TBX15: variants seen among roughly 807,000 people sequenced by gnomAD.
TBX15 encodes the protein T-box transcription factor 15.
TBX15 carries 18 observed loss-of-function variants against 53.9 expected under a neutral mutation model. That is an observed-to-expected ratio of 0.33 (90% confidence interval 0.23 to 0.49). The LOEUF (loss-of-function observed/expected upper bound fraction) is 0.49, where lower values mean the gene tolerates loss of function less well. Ranked by LOEUF, TBX15 falls within the 20% of genes least tolerant of loss-of-function variation. The pLI is 0.98. For missense variants in TBX15, 692 were observed against 749.5 expected, an observed-to-expected ratio of 0.92 and a Z score of 0.90; for synonymous variants, 295 against 278.0, an observed-to-expected ratio of 1.06 and a Z score of -0.61.
In TBX15 at chr1:118,987,629, G is replaced by C. The variant is rs541031973; in HGVS notation, c.167C>G (p.Thr56Arg). The C allele has an allele frequency of 1.9e-3, 2,951 of 1,549,740 alleles. 4 individuals are homozygous for C. The highest frequency in any genetic ancestry group is 2.3e-3 in the Non-Finnish European group (2,633 of 1,146,778). ...ALSPAGPLGDTEDAAAHGLEP... is the reference protein window; with the variant it reads ...ALSPAGPLGDREDAAAHGLEP... ...CAGGCCGTGTGCCGCCGCGTCCTCC[G>C]TGTCTCCGAGTGGGCCCGCGGGGCT... Residue 56 changes from threonine (T) to arginine (R), a missense_variant, in exon 1 of 8, where the codon ACG becomes AGG. Transcript: ENST00000369429.
chr1:118,929,057 T>C (rs1655695419), intron 2 of TBX15, among the ~76,000 whole-genome samples: 1 of 152,246 alleles, frequency 6.6e-6, no homozygotes, highest in South Asian at 2.1e-4. Context: ...TTTCATGTTT[T>C]ACAAAAAGAG....
intron 1 of TBX15, among the ~76,000 whole-genome samples, chr1:118,948,547 G>A (rs1048125063): frequency 1.3e-5 from 2 of 152,144 alleles, no homozygotes; most frequent in Non-Finnish European, 2.9e-5. Flanking sequence ...GGTCCAACCT[G>A]CCTGGCTCTT....
intron 1 of TBX15, among the ~76,000 whole-genome samples, chr1:118,976,478 G>A (rs945938589): frequency 6.6e-6 from 1 of 152,086 alleles, no homozygotes; most frequent in Non-Finnish European, 1.5e-5. Flanking sequence ...GGTTTTTTGG[G>A]GATTTCTGAG....
At chr1:118,942,090 G>A (rs1168693366) in intron 1 of TBX15, among the ~76,000 whole-genome samples, 1 of 152,216 alleles carries the variant, frequency 6.6e-6, no homozygotes, top group Non-Finnish European at 1.5e-5. Flanking sequence ...TCCTATGGGA[G>A]TTTAGAGGTA....
At chr1:118,899,843 G>C (rs1654562264) in intron 6 of TBX15, among the ~76,000 whole-genome samples, 1 of 152,170 alleles carries the variant, frequency 6.6e-6, no homozygotes, top group Non-Finnish European at 1.5e-5. Context: ...CAGAGTTCAG[G>C]AAGTATCCAA....
At chr1:118,967,025 G>T (rs553073838) in intron 1 of TBX15, among the ~76,000 whole-genome samples, 1 of 152,184 alleles carries the variant, frequency 6.6e-6, no homozygotes, top group Non-Finnish European at 1.5e-5. Context: ...AATTAATAGG[G>T]CACTTATTGC....
At chr1:118,960,951 G>A (rs187867012) in intron 1 of TBX15, among the ~76,000 whole-genome samples, 140 of 152,272 alleles carry the variant, frequency 9.2e-4, no homozygotes, top group Non-Finnish European at 1.8e-3. Flanking sequence ...ATCGACACTG[G>A]GCGGCCATGG....
At chr1:118,948,168 T>C (rs890096945) in intron 1 of TBX15, among the ~76,000 whole-genome samples, 3 of 152,102 alleles carry the variant, frequency 2.0e-5, no homozygotes, top group African/African-American at 7.2e-5. Context: ...CCTTTTCCTA[T>C]ATTCTGATTC....
At chr1:118,895,168 AAC>A (rs1340893296) in intron 7 of TBX15, among the ~76,000 whole-genome samples, 1 of 152,194 alleles carries the variant, frequency 6.6e-6, no homozygotes, top group Non-Finnish European at 1.5e-5. Context: ...TTCAATCATC[AAC>A]AGAGACCCTC....
At chr1:118,889,065 T>C (rs567690467) in intron 7 of TBX15, among the ~76,000 whole-genome samples, 1 of 152,246 alleles carries the variant, frequency 6.6e-6, no homozygotes, top group East Asian at 1.9e-4. Flanking sequence ...CCTGCTGAGC[T>C]TGAGTGGGTG....
chr1:118,936,510 T>C (rs1382533690), intron 1 of TBX15, among the ~76,000 whole-genome samples: 5 of 152,028 alleles, frequency 3.3e-5, no homozygotes, highest in Admixed American at 3.3e-4. Context: ...AGTTTCCTTA[T>C]CTTTACCATG....
At chr1:118,912,643 A>G (rs780226523) in intron 6 of TBX15, among the ~76,000 whole-genome samples, 5 of 152,176 alleles carry the variant, frequency 3.3e-5, no homozygotes, top group Admixed American at 3.3e-4. Flanking sequence ...GCAATAGGAA[A>G]TGGCTTGCAA....
At chr1:118,902,100 G>T (rs1413186624) in intron 6 of TBX15, among the ~76,000 whole-genome samples, 1 of 151,780 alleles carries the variant, frequency 6.6e-6, no homozygotes, top group Non-Finnish European at 1.5e-5. Flanking sequence ...TAATAGAAAT[G>T]ATCCTATAAT....
chr1:118,937,933 C>A (rs1656018703), intron 1 of TBX15, among the ~76,000 whole-genome samples: 1 of 152,202 alleles, frequency 6.6e-6, no homozygotes. Context: ...ACCCAGGCAG[C>A]CCTGTCTGTA....
chr1:118,912,269 CT>C (rs759288568), intron 6 of TBX15, among the ~76,000 whole-genome samples: 41 of 151,932 alleles, frequency 2.7e-4, no homozygotes, highest in Non-Finnish European at 5.4e-4. Context: ...GGTTGGAACC[CT>C]TGAGAGAGAG....
intron 7 of TBX15, among the ~76,000 whole-genome samples, chr1:118,895,852 C>G (rs1158798469): frequency 3.3e-5 from 5 of 152,132 alleles, no homozygotes; most frequent in African/African-American, 1.2e-4. Context: ...AAAATTAAAG[C>G]TGTAGTAAGA....
intron 1 of TBX15, among the ~76,000 whole-genome samples, chr1:118,951,834 C>T (rs1188696371): frequency 1.3e-5 from 2 of 152,350 alleles, no homozygotes; most frequent in Middle Eastern, 3.4e-3. Context: ...AAGGTTATGT[C>T]TCTTCCCTGT....
intron 1 of TBX15, among the ~76,000 whole-genome samples, chr1:118,939,117 C>T (rs1656061294): frequency 6.6e-6 from 1 of 152,032 alleles, no homozygotes; most frequent in South Asian, 2.1e-4. Context: ...TGAATTAACG[C>T]AGGAGCAGGC....
chr1:118,884,627 A>AC lies in TBX15; in HGVS notation c.*104dup. The AC allele has an allele frequency of 7.5e-7, 1 of 1,324,546 alleles. No individual in the cohort carries two copies. The highest frequency in any genetic ancestry group is 1.0e-6 in the Non-Finnish European group (1 of 968,464). 82.0% of individuals were successfully genotyped at this position (1,324,546 alleles called of 1,614,324 possible). On this transcript the variant is annotated 3_prime_UTR_variant, in exon 8 of 8. Coordinates refer to ENST00000369429, the MANE Select transcript of TBX15 (RefSeq NM_001330677.2). ...CCAGAAAAAAAAAAAAAAAAAAAAC[A>AC]CGGTTCCTGTTTTTCAAAGACACTG...
Sources: gnomAD v4.1 joint callset for allele counts (sites outside exome capture counted in the v4.1 genomes callset) on GRCh38, gnomAD v4.1.1 for gene constraint, MANE v1.5 for transcripts, NCBI Gene and HGNC (gene_info 2026-07-23, HGNC 2026-07-21) for gene names.